Variants in NALF1 observed in about 807,000 individuals in gnomAD.
The protein encoded by NALF1 is family with sequence similarity 155 member A.
In NALF1, 3 loss-of-function variants were observed where a neutral mutation model predicts 48.4. The observed-to-expected ratio is 0.06, with a 90% CI of 0.03 to 0.16. NALF1 has a LOEUF of 0.16. Ranked by LOEUF, NALF1 falls within the 10% of genes least tolerant of loss-of-function variation. The pLI, the probability that NALF1 is intolerant of heterozygous loss-of-function variation, is 1.00. For missense variants in NALF1, 526 were observed against 571.5 expected (o/e 0.92, Z 0.81); for synonymous variants, 262 against 245.7 (o/e 1.07, Z -0.62).
intron 2 of NALF1, among the ~76,000 whole-genome samples, chr13:107,191,996 A>T (rs1345315572): frequency 6.6e-6 from 1 of 151,912 alleles, no homozygotes; most frequent in Non-Finnish European, 1.5e-5. Flanking sequence ...CTGTGTTCTT[A>T]TAAGAAATAC....
intron 1 of NALF1, among the ~76,000 whole-genome samples, chr13:107,384,111 G>A (rs879466637): frequency 1.3e-5 from 2 of 152,030 alleles, no homozygotes; most frequent in Non-Finnish European, 2.9e-5. Context: ...AAATTAGCCA[G>A]GCATGGTGGC....
At position 107,865,821 on chromosome 13, in the gene NALF1, G is replaced by A. The variant is rs748065908; in HGVS notation, c.776C>T (p.Thr259Ile). Residue 259 changes from threonine (T) to isoleucine (I), a missense_variant, in exon 1 of 3, where the codon ACC (threonine) becomes ATC (isoleucine). Physicochemically the swap from Thr to Ile is moderately conservative, Grantham distance 89 (BLOSUM62 -1). This residue lies in a region of NALF1 where 373 missense variants were observed against 355.5 expected (regional missense o/e 1.05). Coordinates refer to ENST00000375915, the MANE Select transcript of NALF1 (RefSeq NM_001080396.3). ...AGCCTCGACGCACTGCCTGCAAGTGGTCATCTCGCCGCCTTCCTTGAGCAC... is the reference window on the plus strand; with the variant it reads ...AGCCTCGACGCACTGCCTGCAAGTGATCATCTCGCCGCCTTCCTTGAGCAC... Reference protein sequence around the residue: ...DVVLKEGGEMTTCRQCVEAYQ... With the variant: ...DVVLKEGGEMITCRQCVEAYQ... 6.2e-6 allele frequency: 10 copies of A among 1,614,100 alleles called. No homozygotes were observed. The highest frequency in any genetic ancestry group is 8.5e-6 in the Non-Finnish European group (10 of 1,180,026).
At chr13:107,418,551 T>C (rs978346084) in intron 1 of NALF1, among the ~76,000 whole-genome samples, 2 of 152,258 alleles carry the variant, frequency 1.3e-5, no homozygotes, top group Middle Eastern at 3.4e-3. Context: ...TTTCTTTTTT[T>C]CCCCCAACTT....
At chr13:107,633,983 C>T (rs1410845742) in intron 1 of NALF1, among the ~76,000 whole-genome samples, 1 of 90,944 alleles carries the variant, frequency 1.1e-5, no homozygotes, top group Non-Finnish European at 2.6e-5. Flanking sequence ...CCTGTTTTAC[C>T]AAATTGATCT....
intron 1 of NALF1, among the ~76,000 whole-genome samples, chr13:107,428,627 G>T (rs1279456715): frequency 1.3e-5 from 2 of 152,126 alleles, no homozygotes; most frequent in African/African-American, 4.8e-5. Context: ...AGACAGTGGT[G>T]TATTGTTAAA....
chr13:107,213,436 C>G (rs143495456), intron 1 of NALF1, among the ~76,000 whole-genome samples: 1 of 152,226 alleles, frequency 6.6e-6, no homozygotes, highest in East Asian at 1.9e-4. Context: ...GAGCTACCTC[C>G]TGGGCTTTGA....
chr13:107,303,042 C>T (rs1881868107), intron 1 of NALF1, among the ~76,000 whole-genome samples: 1 of 152,164 alleles, frequency 6.6e-6, no homozygotes, highest in Non-Finnish European at 1.5e-5. Context: ...TTGTCACCTT[C>T]TATTTTATTT....
chr13:107,340,167 C>T (rs1219112529), intron 1 of NALF1, among the ~76,000 whole-genome samples: 1 of 120,406 alleles, frequency 8.3e-6, no homozygotes, highest in Non-Finnish European at 1.8e-5. Context: ...AAATGCCTCA[C>T]TTACATTCCT....
intron 1 of NALF1, among the ~76,000 whole-genome samples, chr13:107,591,497 G>T (rs1182279868): frequency 6.6e-6 from 1 of 151,978 alleles, no homozygotes; most frequent in Non-Finnish European, 1.5e-5. Context: ...TTAAATGCCA[G>T]ATGCAACATA....
intron 1 of NALF1, among the ~76,000 whole-genome samples, chr13:107,512,655 CAT>C (rs1340793256): frequency 2.6e-5 from 4 of 152,102 alleles, no homozygotes; most frequent in Non-Finnish European, 5.9e-5. Context: ...GTTCTGCAGT[CAT>C]ATTTAGTTCC....
At chr13:107,502,433 G>T (rs1437375932) in intron 1 of NALF1, among the ~76,000 whole-genome samples, 1 of 152,090 alleles carries the variant, frequency 6.6e-6, no homozygotes, top group Non-Finnish European at 1.5e-5. Context: ...ATTTAGATAG[G>T]TAAGCTACAT....
At chr13:107,692,851 AG>A (rs767211884) in intron 1 of NALF1, among the ~76,000 whole-genome samples, 30 of 152,228 alleles carry the variant, frequency 2.0e-4, no homozygotes, top group Non-Finnish European at 4.0e-4. Flanking sequence ...CTAGAAGAGC[AG>A]GAGCAGTTAT....
chr13:107,493,838 T>A (rs79986405), intron 1 of NALF1, among the ~76,000 whole-genome samples: 1,958 of 152,246 alleles, frequency 0.013, 22 homozygotes, highest in South Asian at 0.036. Context: ...TGTAATGAAC[T>A]ATAATTGCAC....
chr13:107,790,761 G>T (rs981036670), intron 1 of NALF1, among the ~76,000 whole-genome samples: 5 of 152,172 alleles, frequency 3.3e-5, no homozygotes, highest in East Asian at 3.9e-4. Flanking sequence ...AAATGGATTT[G>T]GGGAAAAAAT....
chr13:107,790,811 G>A (rs78279455), intron 1 of NALF1, among the ~76,000 whole-genome samples: 7 of 152,064 alleles, frequency 4.6e-5, no homozygotes, highest in African/African-American at 1.4e-4. Context: ...TATTTTAGAG[G>A]TCTTTTAGTT....
intron 1 of NALF1, among the ~76,000 whole-genome samples, chr13:107,702,527 G>T (rs1301980303): frequency 1.3e-5 from 2 of 151,862 alleles, no homozygotes; most frequent in Non-Finnish European, 2.9e-5. Flanking sequence ...TAGTTTTATG[G>T]TGTTTTGTTT....
At chr13:107,218,429 G>T (rs16969865) in intron 1 of NALF1, among the ~76,000 whole-genome samples, 13 of 152,218 alleles carry the variant, frequency 8.5e-5, no homozygotes, top group African/African-American at 2.2e-4. Context: ...TAGTAACATG[G>T]CCTTTGGGCT....
intron 1 of NALF1, among the ~76,000 whole-genome samples, chr13:107,548,040 C>A (rs1223939294): frequency 6.6e-6 from 1 of 151,970 alleles, no homozygotes; most frequent in Non-Finnish European, 1.5e-5. Context: ...ACTCGTGTCA[C>A]AGGCATTTAT....
intron 1 of NALF1, among the ~76,000 whole-genome samples, chr13:107,594,498 C>T (rs1312191899): frequency 6.6e-6 from 1 of 151,922 alleles, no homozygotes; most frequent in Non-Finnish European, 1.5e-5. Flanking sequence ...GGTTCGCATG[C>T]CTGTATGTAT....
Sources: gnomAD v4.1 joint callset for allele counts (sites outside exome capture counted in the v4.1 genomes callset) on GRCh38, gnomAD v4.1.1 for gene constraint, gnomAD v4.1.1 regional missense constraint, MANE v1.5 for transcripts, NCBI Gene and HGNC (gene_info 2026-07-23, HGNC 2026-07-21) for gene names.